The following NFIC variants were observed in gnomAD, a reference collection of about 807,000 sequenced individuals.
NFIC encodes nuclear factor 1 C-type.
In NFIC, 12 loss-of-function variants were observed where a neutral mutation model predicts 54.4. The observed-to-expected ratio is 0.22, with a 90% CI of 0.14 to 0.36. The LOEUF is 0.36. NFIC is among the 10% of genes least tolerant of loss of function. The probability of loss-of-function intolerance (pLI) is 1.00; values close to 1 mark genes in which losing one functional copy is unlikely to be tolerated. For synonymous variants in NFIC, 322 were observed against 319.2 expected, an observed-to-expected ratio of 1.01 and a Z score of -0.09; for missense variants, 575 against 718.2, an observed-to-expected ratio of 0.80 and a Z score of 2.28.
intron 2 of NFIC, among the ~76,000 whole-genome samples, chr19:3,391,228 C>T (rs945239590): frequency 7.2e-5 from 11 of 151,966 alleles, no homozygotes; most frequent in Non-Finnish European, 1.3e-4. Flanking sequence ...CCAGCCTGGG[C>T]GACAGAGCAA....
chr19:3,396,372 TGA>T (rs920396098), intron 2 of NFIC, among the ~76,000 whole-genome samples: 10 of 149,402 alleles, frequency 6.7e-5, no homozygotes, highest in African/African-American at 2.5e-4. Flanking sequence ...CTCGGGAGGC[TGA>T]GAGAGGAGAA....
Position 3,433,612 on chromosome 19 carries a change from C to A in NFIC, c.709+20C>A. Reference sequence around the variant, plus strand: ...CCCGGAGTGAGTGTTCCCGTCAGCCCTGAGCTGGGTCTTGGAGAGGGGAGG... The same window carrying A: ...CCCGGAGTGAGTGTTCCCGTCAGCCATGAGCTGGGTCTTGGAGAGGGGAGG... On this transcript the variant is annotated intron_variant, in intron 4 of 10. Transcript: ENST00000443272. 6.2e-7 allele frequency: 1 copy of A among 1,612,524 alleles called. No homozygotes were observed. Among genetic ancestry groups the A allele is most frequent in the South Asian group, 1.1e-5 (1 of 91,024 alleles).
At chr19:3,432,188 T>A (rs946163975) in intron 3 of NFIC, among the ~76,000 whole-genome samples, 12 of 152,226 alleles carry the variant, frequency 7.9e-5, no homozygotes, top group African/African-American at 2.6e-4. Context: ...CGGGGACAAC[T>A]TCGATTTCCA....
At position 3,464,266 on chromosome 19, in the gene NFIC, G is replaced by A. The variant is rs2082685489; in HGVS notation, c.*1497G>A. On this transcript the variant is annotated 3_prime_UTR_variant, in exon 11 of 11. Transcript: ENST00000443272. ...GACGCCAGCGGTCCCCGCTCGGAAC[G>A]GGGAGGGTTTTCGGGGGGTTCGGCG... 1 of 985,378 alleles carries A rather than the reference G, an allele frequency of 1.0e-6. No homozygotes were observed. Among genetic ancestry groups the A allele is most frequent in the Non-Finnish European group, 1.2e-6 (1 of 829,914 alleles). 61.0% of individuals were successfully genotyped at this position (985,378 alleles called of 1,614,324 possible). A position where few individuals can be genotyped will look rare whatever the true frequency, so the allele number is the denominator to read the frequency against.
intron 3 of NFIC, among the ~76,000 whole-genome samples, chr19:3,430,231 T>C (rs569427711): frequency 6.6e-6 from 1 of 151,912 alleles, no homozygotes; most frequent in East Asian, 1.9e-4. Flanking sequence ...CTCTATCTAA[T>C]TCCAGAACCT....
At chr19:3,362,084 G>T (rs2080819029), upstream of NFIC, among the ~76,000 whole-genome samples, 1 of 152,192 alleles carries the variant, frequency 6.6e-6, no homozygotes, top group Non-Finnish European at 1.5e-5. Context: ...CCGCGTTTCT[G>T]CAGGGCCGAG....
chr19:3,388,516 A>G (rs559591007), intron 2 of NFIC, among the ~76,000 whole-genome samples: 21 of 152,298 alleles, frequency 1.4e-4, no homozygotes, highest in African/African-American at 5.1e-4. Context: ...ATGAGAATCC[A>G]GAACCCCTTT....
intron 6 of NFIC, among the ~76,000 whole-genome samples, chr19:3,444,491 GACAGA>G (rs2082341101): frequency 1.3e-5 from 2 of 152,236 alleles, no homozygotes; most frequent in Admixed American, 1.3e-4. Context: ...CTGCTGAACA[GACAGA>G]GGATGCTTGG....
At position 3,463,614 on chromosome 19, in the gene NFIC, G is replaced by GGCCCCCCCC; in HGVS notation, c.*845_*846insGCCCCCCCC. Reference sequence around the variant, plus strand: ...GGGAGGAGAAGTCTCTATGCAATTGGCCCCGGCCCCTCCACCCCCCACCCC... The same window carrying GGCCCCCCCC: ...GGGAGGAGAAGTCTCTATGCAATTGGGCCCCCCCCCCCCGGCCCCTCCACCCCCCACCCC... On this transcript the variant is annotated 3_prime_UTR_variant, in exon 11 of 11. Coordinates refer to ENST00000443272, the MANE Select transcript of NFIC (RefSeq NM_001245002.2). 3.1e-6 allele frequency: 3 copies of GGCCCCCCCC among 959,090 alleles called. No individual in the cohort carries two copies. Among genetic ancestry groups the GGCCCCCCCC allele is most frequent in the Non-Finnish European group, 3.7e-6 (3 of 807,832 alleles). 59.4% of individuals were successfully genotyped at this position (959,090 alleles called of 1,614,324 possible).
intron 2 of NFIC, among the ~76,000 whole-genome samples, chr19:3,406,080 C>T (rs1177175088): frequency 6.6e-6 from 1 of 151,714 alleles, no homozygotes; most frequent in Non-Finnish European, 1.5e-5. Flanking sequence ...ACCACCATGC[C>T]CAGCTAAATT....
chr19:3,400,142 G>T (rs1188768162), intron 2 of NFIC, among the ~76,000 whole-genome samples: 1 of 152,080 alleles, frequency 6.6e-6, no homozygotes, highest in Non-Finnish European at 1.5e-5. Flanking sequence ...GCCAGGCACT[G>T]CTCCAGGCGC....
At chr19:3,438,754 T>C (rs2082246550) in intron 6 of NFIC, among the ~76,000 whole-genome samples, 1 of 152,106 alleles carries the variant, frequency 6.6e-6, no homozygotes, top group South Asian at 2.1e-4. Flanking sequence ...GAGGGTTTCA[T>C]CCTCAGTGTA....
chr19:3,445,031 A>ACG (rs10685514), intron 6 of NFIC, among the ~76,000 whole-genome samples: 7,520 of 152,254 alleles, frequency 0.049, 590 homozygotes, highest in African/African-American at 0.17. Flanking sequence ...AGGCATACAC[A>ACG]TACACAGATA....
At chr19:3,457,240 G>T (rs1288462700) in intron 10 of NFIC, among the ~76,000 whole-genome samples, 1 of 152,178 alleles carries the variant, frequency 6.6e-6, no homozygotes, top group Non-Finnish European at 1.5e-5. Context: ...TGTTCACGTT[G>T]ATGTTCATAG....
chr19:3,418,264 C>T (rs183810229), intron 2 of NFIC, among the ~76,000 whole-genome samples: 41 of 151,940 alleles, frequency 2.7e-4, no homozygotes, highest in African/African-American at 8.7e-4. Flanking sequence ...ACCCAGCTAA[C>T]TTTTGTATTT....
At chr19:3,364,174 T>C, upstream of NFIC, among the ~76,000 whole-genome samples, 1 of 138,064 alleles carries the variant, frequency 7.2e-6, no homozygotes, top group East Asian at 2.0e-4. Context: ...AAAAAAAAAA[T>C]GAGCCAGATT....
At chr19:3,407,499 A>G (rs1216604382) in intron 2 of NFIC, among the ~76,000 whole-genome samples, 3 of 151,008 alleles carry the variant, frequency 2.0e-5, no homozygotes, top group Non-Finnish European at 4.4e-5. Context: ...CACTGGTGCA[A>G]TCTTGGTTCA....
Position 3,369,325 on chromosome 19 carries a change from C to T in NFIC, c.30+2659C>T, listed in dbSNP as rs1049003656. Among the ~76,000 whole-genome samples, 5 of 151,332 alleles carry T rather than the reference C, an allele frequency of 3.3e-5. No individual in the cohort carries two copies. The East Asian group carries it at 9.7e-4, about 29-fold the overall frequency. The stretch of plus-strand genomic sequence containing the variant: ...TTCTCCTCTGTCTCTGCGTGTCTCC[C>T]CTTGCCCCCTCTCTCCCTGTCTCTC... On this transcript the variant is annotated intron_variant, in intron 1 of 10. Transcript: ENST00000443272. The surrounding 1 kb of genome is among the most constrained non-coding windows in gnomAD (Gnocchi z 4.3).
rs1350081052 is a variant in NFIC, at chr19:3,453,750, T to C, written c.1270-13T>C. The C allele has an allele frequency of 3.1e-6, 5 of 1,596,870 alleles. No individual in the cohort carries two copies. In the Admixed American group the frequency reaches 8.7e-5, roughly 28 times the overall value. ...AGCCCACCCCTTAACCACGTGTCTC[T>C]CTGTTCCCCCAGTTAAATGGAAGTG... On this transcript the variant is annotated splice_polypyrimidine_tract_variant and intron_variant, in intron 8 of 10. Transcript: ENST00000443272. The surrounding 1 kb of genome is among the most constrained non-coding windows in gnomAD (Gnocchi z 6.7).
Sources: gnomAD v4.1 joint callset for allele counts (sites outside exome capture counted in the v4.1 genomes callset) on GRCh38, gnomAD v4.1.1 for gene constraint, Gnocchi (gnomAD v3.1) non-coding constraint, MANE v1.5 for transcripts, NCBI Gene and HGNC (gene_info 2026-07-23, HGNC 2026-07-21) for gene names.